Variants in TMEM132B observed in about 807,000 individuals in gnomAD.
TMEM132B encodes transmembrane protein 132B.
A neutral mutation model predicts 90.8 loss-of-function variants in TMEM132B; 18 were observed. That is an observed-to-expected ratio of 0.20 (90% CI 0.14 to 0.29). TMEM132B has a LOEUF of 0.29. Ranked by LOEUF, TMEM132B falls within the 10% of genes least tolerant of loss-of-function variation. The pLI is 1.00. For missense variants in TMEM132B, 1,096 were observed against 1,326.8 expected (o/e 0.83, Z 2.70); for synonymous variants, 504 against 523.3 (o/e 0.96, Z 0.50).
chr12:125,212,983 T>G (rs1045267830), intron 1 of TMEM132B, among the ~76,000 whole-genome samples: 1 of 152,166 alleles, frequency 6.6e-6, no homozygotes, highest in Admixed American at 6.5e-5. Flanking sequence ...CCGTGGCATT[T>G]GGTACATTTA....
chr12:125,451,208 A>G (rs1490994633), intron 3 of TMEM132B, among the ~76,000 whole-genome samples: 1 of 152,222 alleles, frequency 6.6e-6, no homozygotes, highest in Non-Finnish European at 1.5e-5. Context: ...TAAGTATTGT[A>G]TAAATGTTAA....
chr12:125,505,164 G>T (rs866825381), intron 3 of TMEM132B, among the ~76,000 whole-genome samples: 1 of 4,582 alleles, frequency 2.2e-4, no homozygotes, highest in Non-Finnish European at 4.4e-4. Context: ...CACACCAGAG[G>T]ACAAAAAAAA....
At chr12:125,555,129 CTT>C (rs1884341520) in intron 4 of TMEM132B, among the ~76,000 whole-genome samples, 1 of 152,116 alleles carries the variant, frequency 6.6e-6, no homozygotes, top group Non-Finnish European at 1.5e-5. Context: ...GAGGTTTGTA[CTT>C]TATATGCTTA....
chr12:125,455,277 G>A (rs759753024), intron 3 of TMEM132B, among the ~76,000 whole-genome samples: 7 of 152,162 alleles, frequency 4.6e-5, no homozygotes, highest in Non-Finnish European at 1.0e-4. Flanking sequence ...AAGTACTAGT[G>A]GTGAATGCTA....
At chr12:125,635,730 A>G (rs1886463652) in intron 5 of TMEM132B, among the ~76,000 whole-genome samples, 1 of 152,132 alleles carries the variant, frequency 6.6e-6, no homozygotes, top group South Asian at 2.1e-4. Flanking sequence ...GTCTTCCACA[A>G]TGGTTGAACT....
At chr12:125,240,601 A>G (rs1291763119) in intron 1 of TMEM132B, among the ~76,000 whole-genome samples, 1 of 152,162 alleles carries the variant, frequency 6.6e-6, no homozygotes, top group Non-Finnish European at 1.5e-5. Flanking sequence ...TGGTTCAAGC[A>G]GAAGTTTTTA....
chr12:125,315,946 C>A (rs1390690401), intron 1 of TMEM132B, among the ~76,000 whole-genome samples: 1 of 152,120 alleles, frequency 6.6e-6, no homozygotes, highest in Non-Finnish European at 1.5e-5. Flanking sequence ...GTCACCACCC[C>A]CTGGATGTTG....
At position 125,602,783 on chromosome 12, in the gene TMEM132B, T is replaced by C. The variant is rs181532994; in HGVS notation, c.1437+18789T>C. On this transcript the variant is annotated intron_variant, in intron 5 of 8. Transcript: ENST00000682704. ...TTCAGCAAAGTCTCAGGATACAAAA[T>C]CAATATGCAAAAATCACAGGCATCC... Among the ~76,000 whole-genome samples the C allele has an allele frequency of 5.3e-3, 812 of 152,206 alleles. 3 individuals carry two copies. The highest frequency in any genetic ancestry group is 0.019 in the African/African-American group (778 of 41,534).
intron 2 of TMEM132B, among the ~76,000 whole-genome samples, chr12:125,379,150 C>A (rs1473034359): frequency 6.6e-6 from 1 of 152,126 alleles, no homozygotes; most frequent in Non-Finnish European, 1.5e-5. Flanking sequence ...AATAATGCTC[C>A]AAAGATGTCC....
At position 125,209,231 on chromosome 12, in the gene TMEM132B, G is replaced by A. The variant is rs115888972; in HGVS notation, c.67+22365G>A. Among the ~76,000 whole-genome samples, 316 of 152,314 alleles carry A rather than the reference G, an allele frequency of 2.1e-3. 1 individual carries two copies. The highest frequency in any genetic ancestry group is 7.3e-3 in the African/African-American group (302 of 41,564). On this transcript the variant is annotated intron_variant, in intron 1 of 8. Coordinates refer to ENST00000682704, the MANE Select transcript of TMEM132B (RefSeq NM_001366854.1). The surrounding 1 kb of genome is among the most constrained non-coding windows in gnomAD (Gnocchi z 4.4). ...AGCCTGAGCCTGGGTGCACACGAGG[G>A]CCGCTCTCTTTCTGTAAATGAATGT... is the stretch of plus-strand genomic sequence containing the variant.
At chr12:125,640,756 A>G (rs1232134174) in intron 5 of TMEM132B, among the ~76,000 whole-genome samples, 1 of 152,126 alleles carries the variant, frequency 6.6e-6, no homozygotes, top group Non-Finnish European at 1.5e-5. Context: ...AATGAGGCTC[A>G]TGGCACCCAC....
At chr12:125,444,017 G>A (rs1880941365) in intron 3 of TMEM132B, among the ~76,000 whole-genome samples, 1 of 152,102 alleles carries the variant, frequency 6.6e-6, no homozygotes, top group Non-Finnish European at 1.5e-5. Context: ...TGACTACTGG[G>A]TTGAAGGAAG....
intron 1 of TMEM132B, among the ~76,000 whole-genome samples, chr12:125,308,951 T>A (rs1189520868): frequency 6.6e-6 from 1 of 152,228 alleles, no homozygotes; most frequent in Non-Finnish European, 1.5e-5. Flanking sequence ...AATGTTATAT[T>A]GATATAGTAT....
chr12:125,647,382 A>G (rs1886792230), intron 6 of TMEM132B, among the ~76,000 whole-genome samples: 1 of 152,250 alleles, frequency 6.6e-6, no homozygotes, highest in Admixed American at 6.5e-5. Context: ...CACAAACATG[A>G]TAAACCCAAA....
intron 7 of TMEM132B, among the ~76,000 whole-genome samples, 168 bp downstream of exon 7, chr12:125,651,121 G>A (rs1489496589): frequency 6.6e-6 from 1 of 152,204 alleles, no homozygotes; most frequent in African/African-American, 2.4e-5. Flanking sequence ...ATCCTGGGAA[G>A]CAATAGAGCA....
chr12:125,419,825 A>G (rs1411091729), intron 3 of TMEM132B, among the ~76,000 whole-genome samples: 1 of 152,234 alleles, frequency 6.6e-6, no homozygotes, highest in Admixed American at 6.5e-5. Context: ...CCTAGATACA[A>G]TGAGGGTATA....
chr12:125,538,479 TAGAC>T (rs1295535299), intron 4 of TMEM132B, among the ~76,000 whole-genome samples: 1 of 152,226 alleles, frequency 6.6e-6, no homozygotes, highest in African/African-American at 2.4e-5. Context: ...GATCAGCTGT[TAGAC>T]AGTCACTTGG....
intron 1 of TMEM132B, among the ~76,000 whole-genome samples, chr12:125,200,704 T>C (rs1400960038): frequency 6.6e-6 from 1 of 152,176 alleles, no homozygotes; most frequent in Non-Finnish European, 1.5e-5. Flanking sequence ...AGAACTGACA[T>C]CTGAGGAGAT....
intron 1 of TMEM132B, among the ~76,000 whole-genome samples, chr12:125,202,269 C>G (rs968809618): frequency 5.9e-5 from 9 of 152,258 alleles, no homozygotes; most frequent in Non-Finnish European, 5.9e-5. Flanking sequence ...TAAGTCATTA[C>G]TGCTGTGAAA....
Sources: allele counts gnomAD v4.1 joint callset (sites outside exome capture counted in the v4.1 genomes callset), GRCh38; gene constraint gnomAD v4.1.1; non-coding constraint Gnocchi (gnomAD v3.1); transcripts MANE v1.5; gene names NCBI Gene and HGNC (gene_info 2026-07-23, HGNC 2026-07-21).